The following SYT9 variants were observed in gnomAD, a reference collection of about 807,000 sequenced individuals.
SYT9 encodes synaptotagmin 9.
In SYT9, 22 loss-of-function variants were observed where a neutral mutation model predicts 48.4. The observed-to-expected ratio is 0.45, with a 90% CI of 0.32 to 0.65. The LOEUF (loss-of-function observed/expected upper bound fraction) is 0.65, where lower values mean the gene tolerates loss of function less well. Among genes scored for constraint, SYT9 ranks in the 30% least tolerant of loss-of-function variants. The probability of loss-of-function intolerance (pLI) is 0.03; values close to 1 mark genes in which losing one functional copy is unlikely to be tolerated. For synonymous variants in SYT9, 265 were observed against 245.0 expected (o/e 1.08, Z -0.76); for missense variants, 577 against 622.0 (o/e 0.93, Z 0.77).
At chr11:7,302,572 CTA>C (rs1848942566) in intron 1 of SYT9, among the ~76,000 whole-genome samples, 1 of 152,186 alleles carries the variant, frequency 6.6e-6, no homozygotes, top group South Asian at 2.1e-4. Context: ...AAAAAGCACT[CTA>C]GTTTCTCGTA....
chr11:7,394,672 G>GT (rs140434030), intron 3 of SYT9, among the ~76,000 whole-genome samples: 2 of 151,902 alleles, frequency 1.3e-5, no homozygotes, highest in East Asian at 3.9e-4. Flanking sequence ...GCAGTCTCAA[G>GT]TTTTTTTTAG....
chr11:7,340,076 T>C (rs1849689115), intron 3 of SYT9, among the ~76,000 whole-genome samples: 1 of 152,212 alleles, frequency 6.6e-6, no homozygotes, highest in Admixed American at 6.5e-5. Flanking sequence ...TTTTTCTTTA[T>C]TTTTGTCTGA....
At chr11:7,306,910 A>G (rs1030816847) in intron 2 of SYT9, among the ~76,000 whole-genome samples, 1 of 152,164 alleles carries the variant, frequency 6.6e-6, no homozygotes, top group African/African-American at 2.4e-5. Context: ...TCCAGCCCCT[A>G]GCACCACCTG....
At chr11:7,386,164 T>C (rs1238108430) in intron 3 of SYT9, among the ~76,000 whole-genome samples, 2 of 152,178 alleles carry the variant, frequency 1.3e-5, no homozygotes, top group Non-Finnish European at 2.9e-5. Flanking sequence ...ACCTGTTTTT[T>C]TTCTGGTATA....
chr11:7,378,498 A>G (rs1346622381), intron 3 of SYT9, among the ~76,000 whole-genome samples: 2 of 152,072 alleles, frequency 1.3e-5, no homozygotes, highest in Non-Finnish European at 2.9e-5. Context: ...TAGAATGAAC[A>G]TGACTTGGTG....
chr11:7,451,454 A>G (rs1453236894), intron 6 of SYT9, among the ~76,000 whole-genome samples: 3 of 152,190 alleles, frequency 2.0e-5, no homozygotes, highest in African/African-American at 4.8e-5. Flanking sequence ...AAAATGTATG[A>G]CTTTGCTTAT....
chr11:7,386,748 T>A (rs188968351), intron 3 of SYT9, among the ~76,000 whole-genome samples: 2 of 152,116 alleles, frequency 1.3e-5, no homozygotes, highest in Non-Finnish European at 2.9e-5. Flanking sequence ...GGCGATTCCT[T>A]AGGGATCTTG....
intron 3 of SYT9, among the ~76,000 whole-genome samples, chr11:7,334,043 A>G (rs983896803): frequency 3.3e-5 from 5 of 152,222 alleles, no homozygotes; most frequent in African/African-American, 1.2e-4. Flanking sequence ...AGGAAATAAC[A>G]TTGAAGCTGA....
chr11:7,252,388 G>C lies in SYT9; in HGVS notation c.145+57G>C. 5.1e-6 allele frequency: 7 copies of C among 1,365,624 alleles called. No homozygotes were observed. Among genetic ancestry groups the C allele is most frequent in the Non-Finnish European group, 6.6e-6 (7 of 1,058,886 alleles). The allele number at this position is 1,365,624 out of a possible 1,614,324, so 84.6% of individuals were successfully genotyped here. On this transcript the variant is annotated intron_variant, in intron 1 of 6. Transcript: ENST00000318881. The surrounding 1 kb of genome is among the most constrained non-coding windows in gnomAD (Gnocchi z 6.3). ...TAAGGGCCCTGGGCTGGGACTTGGG[G>C]CCGCACCGGGGCCTGAGGCAGAACA...
chr11:7,434,894 G>A lies in SYT9; in HGVS notation c.1467+14259G>A, dbSNP rs568329998. The A allele has an allele frequency of 7.2e-4, 110 of 152,250 alleles. 1 individual carries two copies. The highest frequency in any genetic ancestry group is 2.4e-3 in the African/African-American group (101 of 41,526). The allele number at this position is 152,250 out of a possible 1,614,324, so 9.4% of individuals were successfully genotyped here. On this transcript the variant is annotated intron_variant, in intron 6 of 6. Transcript: ENST00000318881. ...CAGAAAGTTCGTTCCCAGGACTGGG[G>A]CTAATGGCTCTTCTCCTGCTCCTTA...
chr11:7,277,266 C>G (rs536624961), intron 1 of SYT9, among the ~76,000 whole-genome samples: 2 of 152,244 alleles, frequency 1.3e-5, no homozygotes, highest in African/African-American at 4.8e-5. Flanking sequence ...AGATAGATTT[C>G]TGGCTGAATT....
At chr11:7,241,011 T>C (rs1847734136) in intron 1 of SYT9, among the ~76,000 whole-genome samples, 1 of 152,190 alleles carries the variant, frequency 6.6e-6, no homozygotes, top group South Asian at 2.1e-4. Context: ...GGAATTCTAA[T>C]TCTACTTGGA....
intron 6 of SYT9, chr11:7,457,075 C>T (rs1176645618): frequency 3.3e-5 from 5 of 152,210 alleles, no homozygotes; most frequent in Non-Finnish European, 7.3e-5. Flanking sequence ...CTCTGCGACC[C>T]TGCCTCCATC....
intron 6 of SYT9, among the ~76,000 whole-genome samples, chr11:7,461,513 C>G (rs1452017506): frequency 6.6e-6 from 1 of 152,134 alleles, no homozygotes; most frequent in Non-Finnish European, 1.5e-5. Flanking sequence ...GCTGGGACTA[C>G]AGGCACCCAC....
intron 6 of SYT9, among the ~76,000 whole-genome samples, chr11:7,453,807 C>T (rs1339428412): frequency 1.3e-5 from 2 of 152,158 alleles, no homozygotes; most frequent in Non-Finnish European, 2.9e-5. Context: ...AGAGAGGAGG[C>T]AGGTGTGGCC....
rs71056799 is a variant in SYT9, at chr11:7,349,382, A to AACACACACACACACACACACAC, written c.1044+35446_1044+35467dup. Among the ~76,000 whole-genome samples the AACACACACACACACACACACAC allele has an allele frequency of 2.4e-4, 36 of 148,268 alleles. No homozygotes were observed. The East Asian group carries it at 6.4e-3, about 27-fold the overall frequency. ...ATTTTACCACAATAAAAAATATACA[A>AACACACACACACACACACACAC]ACACACACACACACACACACACACA... is the stretch of plus-strand genomic sequence containing the variant. On this transcript the variant is annotated intron_variant, in intron 3 of 6. Coordinates refer to ENST00000318881, the MANE Select transcript of SYT9 (RefSeq NM_175733.4).
At chr11:7,320,260 A>C (rs1371273150) in intron 3 of SYT9, among the ~76,000 whole-genome samples, 2 of 152,140 alleles carry the variant, frequency 1.3e-5, no homozygotes, top group Non-Finnish European at 2.9e-5. Context: ...AGGTGGCTCA[A>C]AATGATCATA....
chr11:7,367,971 G>A (rs543334980), intron 3 of SYT9, among the ~76,000 whole-genome samples: 1 of 152,250 alleles, frequency 6.6e-6, no homozygotes, highest in African/African-American at 2.4e-5. Flanking sequence ...GGCACATACT[G>A]TTATAACTCA....
chr11:7,284,611 A>G (rs981795563), intron 1 of SYT9, among the ~76,000 whole-genome samples: 1 of 151,612 alleles, frequency 6.6e-6, no homozygotes, highest in African/African-American at 2.4e-5. Context: ...ATCTCTTTAT[A>G]GTCTTCTCTC....
Sources: gnomAD v4.1 joint callset for allele counts (sites outside exome capture counted in the v4.1 genomes callset) on GRCh38, gnomAD v4.1.1 for gene constraint, Gnocchi (gnomAD v3.1) non-coding constraint, MANE v1.5 for transcripts, NCBI Gene and HGNC (gene_info 2026-07-23, HGNC 2026-07-21) for gene names.